LUZP2: variants seen among roughly 807,000 people sequenced by gnomAD.
LUZP2 encodes the protein leucine zipper protein 2.
In LUZP2, 52 loss-of-function variants were observed where a neutral mutation model predicts 51.6. The observed-to-expected ratio is 1.01, with a 90% CI of 0.81 to 1.27. The LOEUF (loss-of-function observed/expected upper bound fraction) is 1.27, where lower values mean the gene tolerates loss of function less well. Among genes scored for constraint, LUZP2 ranks in the 50% most tolerant of loss-of-function variants. The pLI, the probability that LUZP2 is intolerant of heterozygous loss-of-function variation, is 0.00. For missense variants in LUZP2, 436 were observed against 395.4 expected, an observed-to-expected ratio of 1.10 and a Z score of -0.87; for synonymous variants, 154 against 137.3, an observed-to-expected ratio of 1.12 and a Z score of -0.85.
chr11:24,953,988 C>G (rs1035535725), intron 7 of LUZP2, among the ~76,000 whole-genome samples: 1 of 151,958 alleles, frequency 6.6e-6, no homozygotes, highest in Admixed American at 6.6e-5. Context: ...TAAAGCACTA[C>G]TGTACCAACT....
chr11:25,025,193 C>T (rs1857454801), intron 9 of LUZP2, among the ~76,000 whole-genome samples: 1 of 151,968 alleles, frequency 6.6e-6, no homozygotes, highest in African/African-American at 2.4e-5. Flanking sequence ...CATAAAAACC[C>T]TAGAAGAAAA....
intron 1 of LUZP2, among the ~76,000 whole-genome samples, chr11:24,672,901 G>A (rs1353230103): frequency 6.6e-6 from 1 of 152,182 alleles, no homozygotes. Context: ...TGAGCAGTGG[G>A]CGAGTGAGAA....
intron 4 of LUZP2, among the ~76,000 whole-genome samples, chr11:24,750,324 A>T (rs1175716320): frequency 6.6e-6 from 1 of 152,192 alleles, no homozygotes; most frequent in Non-Finnish European, 1.5e-5. Flanking sequence ...TATATGGTGC[A>T]GTAACACAGG....
intron 5 of LUZP2, among the ~76,000 whole-genome samples, chr11:24,896,397 C>T (rs914987216): frequency 7.2e-5 from 11 of 152,140 alleles, no homozygotes; most frequent in Admixed American, 2.0e-4. Flanking sequence ...AGCCGGCCGG[C>T]GATGCCAGCT....
At chr11:24,646,670 A>G (rs1186972069) in intron 1 of LUZP2, 3 of 854,302 alleles carry the variant, frequency 3.5e-6, no homozygotes, top group East Asian at 1.2e-4. Context: ...ATTTCCCACA[A>G]CTCCCCAAAA....
At chr11:25,032,248 T>C (rs78563828) in intron 9 of LUZP2, among the ~76,000 whole-genome samples, 5,776 of 152,256 alleles carry the variant, frequency 0.038, 333 homozygotes, top group African/African-American at 0.12. Context: ...AACTTTAGGA[T>C]AATGAATTTG....
At chr11:24,541,339 T>C (rs975862025) in intron 1 of LUZP2, among the ~76,000 whole-genome samples, 1 of 151,584 alleles carries the variant, frequency 6.6e-6, no homozygotes. Flanking sequence ...TATCGTATCA[T>C]TGCTGGCTGC....
chr11:24,876,835 T>C (rs1852283351), intron 5 of LUZP2, among the ~76,000 whole-genome samples: 1 of 152,072 alleles, frequency 6.6e-6, no homozygotes, highest in African/African-American at 2.4e-5. Flanking sequence ...GCTTCCCTGA[T>C]GGTAGAACAC....
At chr11:24,530,790 G>C in intron 1 of LUZP2, among the ~76,000 whole-genome samples, 1 of 120,240 alleles carries the variant, frequency 8.3e-6, no homozygotes, top group African/African-American at 3.1e-5. Flanking sequence ...TTTTTTGGTG[G>C]GGTTTAGGGT....
chr11:25,047,922 C>G (rs1473455212), intron 9 of LUZP2, among the ~76,000 whole-genome samples: 1 of 152,040 alleles, frequency 6.6e-6, no homozygotes, highest in African/African-American at 2.4e-5. Context: ...GGACTCAAGC[C>G]ATCTTCCAGC....
At chr11:24,566,337 T>TAA (rs1349344945) in intron 1 of LUZP2, among the ~76,000 whole-genome samples, 1 of 142,556 alleles carries the variant, frequency 7.0e-6, no homozygotes, top group Non-Finnish European at 1.5e-5. Context: ...TTTTTTTTTT[T>TAA]TTTTTTTTTT....
At chr11:24,945,630 G>C (rs1854877728) in intron 7 of LUZP2, among the ~76,000 whole-genome samples, 1 of 150,312 alleles carries the variant, frequency 6.7e-6, no homozygotes, top group Non-Finnish European at 1.5e-5. Flanking sequence ...GGCTCTCTAT[G>C]AACAACCTCT....
At chr11:24,963,434 G>A (rs913536604) in intron 7 of LUZP2, among the ~76,000 whole-genome samples, 16 of 151,960 alleles carry the variant, frequency 1.1e-4, no homozygotes, top group African/African-American at 3.6e-4. Context: ...CGAGCTTCCC[G>A]GCTGCTTTGT....
rs1023873504 is a variant in LUZP2 at position 24,497,320 on chromosome 11, G to T, written c.62+15G>T. 4 of 1,515,762 alleles carry T rather than the reference G, an allele frequency of 2.6e-6. No individual in the cohort carries two copies. Among genetic ancestry groups the T allele is most frequent in the African/African-American group, 2.8e-5 (2 of 70,302 alleles). The allele number at this position is 1,515,762 out of a possible 1,614,324, so 93.9% of individuals were successfully genotyped here. A position where few individuals can be genotyped will look rare whatever the true frequency, so the allele number is the denominator to read the frequency against. ...CTCAGCACCAGGTGAGTCCAGGAGC[G>T]TGAGTGACCTGAGGCCAGGGGCGCT... On this transcript the variant is annotated intron_variant, in intron 1 of 11. Coordinates refer to ENST00000336930, the MANE Select transcript of LUZP2 (RefSeq NM_001009909.4).
intron 10 of LUZP2, among the ~76,000 whole-genome samples, chr11:25,062,030 G>A (rs1180985814): frequency 6.8e-6 from 1 of 146,412 alleles, no homozygotes; most frequent in African/African-American, 2.5e-5. Context: ...TATATCATTG[G>A]AAAGTGACAT....
At chr11:24,633,958 G>GTATATATA (rs534303582) in intron 1 of LUZP2, among the ~76,000 whole-genome samples, 4,378 of 134,896 alleles carry the variant, frequency 0.032, 84 homozygotes, top group Non-Finnish European at 0.042. Flanking sequence ...GTGTGTGTGT[G>GTATATATA]TGTGTGTATA....
intron 5 of LUZP2, among the ~76,000 whole-genome samples, chr11:24,865,120 A>G (rs1229220705): frequency 1.3e-5 from 2 of 152,182 alleles, no homozygotes; most frequent in East Asian, 1.9e-4. Flanking sequence ...CATGAGAGGA[A>G]AAGTCAATTT....
intron 5 of LUZP2, among the ~76,000 whole-genome samples, chr11:24,779,194 CATT>C (rs1236708906): frequency 6.6e-6 from 1 of 152,030 alleles, no homozygotes; most frequent in Non-Finnish European, 1.5e-5. Flanking sequence ...TAAAATAAAA[CATT>C]ATTTTCTGCG....
chr11:24,834,597 T>C (rs1015031999), intron 5 of LUZP2, among the ~76,000 whole-genome samples: 2 of 152,200 alleles, frequency 1.3e-5, no homozygotes, highest in Non-Finnish European at 2.9e-5. Flanking sequence ...TATAATCCTT[T>C]GGCTATATAC....
Sources: gnomAD v4.1 joint callset for allele counts (sites outside exome capture counted in the v4.1 genomes callset) on GRCh38, gnomAD v4.1.1 for gene constraint, MANE v1.5 for transcripts, NCBI Gene and HGNC (gene_info 2026-07-23, HGNC 2026-07-21) for gene names.